The following CNTNAP4 variants were observed in gnomAD, a reference collection of about 807,000 sequenced individuals.
CNTNAP4 encodes the protein contactin-associated protein-like 4.
In CNTNAP4, 98 loss-of-function variants were observed where a neutral mutation model predicts 148.4. The observed-to-expected ratio is 0.66, with a 90% confidence interval of 0.56 to 0.78. The LOEUF (loss-of-function observed/expected upper bound fraction) is 0.78. Ranked by LOEUF, CNTNAP4 falls within the 30% of genes least tolerant of loss-of-function variation. The pLI is 0.00. For missense variants in CNTNAP4, 1,935 were observed against 1,565.6 expected, an observed-to-expected ratio of 1.24 and a Z score of -3.98; for synonymous variants, 730 against 565.1, an observed-to-expected ratio of 1.29 and a Z score of -4.14.
intron 3 of CNTNAP4, among the ~76,000 whole-genome samples, chr16:76,388,445 T>C (rs1420176815): frequency 6.6e-6 from 1 of 152,238 alleles, no homozygotes; most frequent in African/African-American, 2.4e-5. Context: ...TTGTGTAGAA[T>C]ATTGAGTAAA....
chr16:76,361,328 C>T (rs2013416584), intron 3 of CNTNAP4, among the ~76,000 whole-genome samples: 1 of 152,122 alleles, frequency 6.6e-6, no homozygotes, highest in Non-Finnish European at 1.5e-5. Context: ...TGGCAACCAT[C>T]ATTCAACTTT....
At chr16:76,393,866 A>G (rs963397415) in intron 3 of CNTNAP4, among the ~76,000 whole-genome samples, 2 of 152,232 alleles carry the variant, frequency 1.3e-5, no homozygotes, top group South Asian at 4.1e-4. Context: ...AAAATAGCTT[A>G]AACATTAGGG....
In CNTNAP4 at chr16:76,538,204, T is replaced by G; in HGVS notation, c.3084T>G (p.Ala1028=). Residue 1028 remains alanine (A), a synonymous_variant, in exon 19 of 24, where the codon GCT becomes GCG. Transcript: ENST00000611870. The part of the protein sequence containing the change: ...YLLSKNSSSH[A]ASFHGDMKLS... ...TAAGTAAAAACTCCAGCTCCCACGC[T>G]GCTTCATTTCATGGTGATATGAAGC... 3 of 1,608,736 alleles carry G rather than the reference T, an allele frequency of 1.9e-6. No individual in the cohort carries two copies. The South Asian group carries it at 3.3e-5, about 18-fold the overall frequency.
chr16:76,407,468 G>C (rs920675649), intron 3 of CNTNAP4, among the ~76,000 whole-genome samples: 2 of 151,868 alleles, frequency 1.3e-5, no homozygotes, highest in African/African-American at 4.8e-5. Flanking sequence ...CATGAGAGAA[G>C]GTAAAAATAT....
chr16:76,414,674 TG>T (rs939351654), intron 3 of CNTNAP4, among the ~76,000 whole-genome samples: 1 of 151,404 alleles, frequency 6.6e-6, no homozygotes, highest in Non-Finnish European at 1.5e-5. Context: ...TGTGTGAATA[TG>T]TTTACAATTA....
At chr16:76,422,583 G>A (rs941034710) in intron 3 of CNTNAP4, among the ~76,000 whole-genome samples, 14 of 152,132 alleles carry the variant, frequency 9.2e-5, no homozygotes, top group Admixed American at 2.0e-4. Context: ...TTGCTTTCAT[G>A]TTCTGTTGAA....
chr16:76,423,950 T>A (rs926735942), intron 3 of CNTNAP4, among the ~76,000 whole-genome samples: 2 of 152,138 alleles, frequency 1.3e-5, no homozygotes, highest in African/African-American at 4.8e-5. Flanking sequence ...AATTAATACA[T>A]GCCCATTAAA....
At chr16:76,499,253 G>A (rs1302554283) in intron 15 of CNTNAP4, among the ~76,000 whole-genome samples, 1 of 151,644 alleles carries the variant, frequency 6.6e-6, no homozygotes, top group Non-Finnish European at 1.5e-5. Context: ...CATGACCCTT[G>A]GAATAATCTT....
At chr16:76,392,418 C>A (rs2078056608) in intron 3 of CNTNAP4, among the ~76,000 whole-genome samples, 1 of 152,148 alleles carries the variant, frequency 6.6e-6, no homozygotes, top group African/African-American at 2.4e-5. Flanking sequence ...TATTAAGTAT[C>A]TAGCATGAGT....
At chr16:76,387,893 T>C (rs1443644184) in intron 3 of CNTNAP4, among the ~76,000 whole-genome samples, 3 of 152,214 alleles carry the variant, frequency 2.0e-5, no homozygotes, top group Non-Finnish European at 2.9e-5. Context: ...GTTATTATAA[T>C]GCAAACACAG....
intron 23 of CNTNAP4, among the ~76,000 whole-genome samples, chr16:76,556,571 T>C (rs2144437849): frequency 6.6e-6 from 1 of 152,328 alleles, no homozygotes. Flanking sequence ...GTCTATATCA[T>C]ATTTCAGAAT....
At chr16:76,318,588 T>C (rs1962059349) in intron 2 of CNTNAP4, among the ~76,000 whole-genome samples, 1 of 151,760 alleles carries the variant, frequency 6.6e-6, no homozygotes, top group Non-Finnish European at 1.5e-5. Flanking sequence ...TTTCCCCTGT[T>C]AATTACATGA....
intron 10 of CNTNAP4, among the ~76,000 whole-genome samples, chr16:76,470,208 A>G (rs887935183): frequency 4.6e-5 from 7 of 152,154 alleles, no homozygotes; most frequent in African/African-American, 1.7e-4. Context: ...CTCTGGATCC[A>G]GGGAAGTCTC....
chr16:76,538,395 A>G lies in CNTNAP4; in HGVS notation c.3220+55A>G, dbSNP rs894580509. 4.0e-6 allele frequency: 5 copies of G among 1,264,318 alleles called. No homozygotes were observed. In the South Asian group the frequency reaches 5.1e-5, roughly 13 times the overall value. 78.3% of individuals were successfully genotyped at this position (1,264,318 alleles called of 1,614,324 possible). ...ATTAAATTAGAACACTAGCTCTGTA[A>G]TAATATGGATCATTCTCGTGTTCTG... On this transcript the variant is annotated intron_variant, in intron 19 of 23. Coordinates refer to ENST00000611870, the MANE Select transcript of CNTNAP4 (RefSeq NM_033401.5).
At chr16:76,450,800 T>C (rs1597583612) in intron 7 of CNTNAP4, among the ~76,000 whole-genome samples, 1 of 152,232 alleles carries the variant, frequency 6.6e-6, no homozygotes, top group South Asian at 2.1e-4. Context: ...AGGTTTCAGT[T>C]AGGGAAGCAG....
chr16:76,449,912 A>G, intron 7 of CNTNAP4, 54 bp downstream of exon 7: 1 of 1,470,108 alleles, frequency 6.8e-7, no homozygotes, highest in Non-Finnish European at 9.1e-7. Context: ...TTTTCCACAC[A>G]GTAAAATTCC....
chr16:76,324,871 A>G (rs1021610547), intron 2 of CNTNAP4, among the ~76,000 whole-genome samples: 5 of 152,116 alleles, frequency 3.3e-5, no homozygotes, highest in Admixed American at 3.3e-4. Context: ...ATGTAAACCT[A>G]ATTACCTCCC....
chr16:76,543,495 T>C (rs984664500), intron 21 of CNTNAP4, among the ~76,000 whole-genome samples: 4 of 152,152 alleles, frequency 2.6e-5, no homozygotes, highest in Non-Finnish European at 5.9e-5. Flanking sequence ...AAGGGAACAA[T>C]CATGTAAGAG....
rs1470417561 is a variant in CNTNAP4 at position 76,381,511 on chromosome 16, C to A, written c.390+26000C>A. Among the ~76,000 whole-genome samples, 3 of 152,244 alleles carry A rather than the reference C, an allele frequency of 2.0e-5. No individual in the cohort carries two copies. In the South Asian group the frequency reaches 6.2e-4, roughly 32 times the overall value. ...GCCTCTGAAATTTACTGTAGGATGT[C>A]TAGGACTCAGCTTCTACTTCCTTCA... is the stretch of plus-strand genomic sequence containing the variant. On this transcript the variant is annotated intron_variant, in intron 3 of 23. Transcript: ENST00000611870.
Sources: allele counts gnomAD v4.1 joint callset (sites outside exome capture counted in the v4.1 genomes callset), GRCh38; gene constraint gnomAD v4.1.1; transcripts MANE v1.5; gene names NCBI Gene and HGNC (gene_info 2026-07-23, HGNC 2026-07-21).